Variants in RALGAPA2 observed in about 807,000 individuals in gnomAD.
RALGAPA2 encodes Ral GTPase activating protein catalytic subunit alpha 2, also known as ral GTPase-activating protein subunit alpha-2.
RALGAPA2 carries 139 observed loss-of-function variants against 230.4 expected under a neutral mutation model. That is an observed-to-expected ratio of 0.60 (90% confidence interval 0.53 to 0.69). The LOEUF (loss-of-function observed/expected upper bound fraction) is 0.69. RALGAPA2 is among the 30% of genes least tolerant of loss of function. The pLI, the probability that RALGAPA2 is intolerant of heterozygous loss-of-function variation, is 0.00. For synonymous variants in RALGAPA2, 847 were observed against 837.8 expected, an observed-to-expected ratio of 1.01 and a Z score of -0.19; for missense variants, 2,163 against 2,276.0, an observed-to-expected ratio of 0.95 and a Z score of 1.01.
chr20:20,620,375 T>C (rs781612524), intron 11 of RALGAPA2, 88 bp downstream of exon 11: 3 of 1,365,370 alleles, frequency 2.2e-6, no homozygotes, highest in Non-Finnish European at 3.0e-6. Flanking sequence ...CACCTGCCTT[T>C]GTCCCATTGA....
At chr20:20,421,878 C>T (rs1348894346) in intron 37 of RALGAPA2, among the ~76,000 whole-genome samples, 1 of 152,140 alleles carries the variant, frequency 6.6e-6, no homozygotes, top group East Asian at 1.9e-4. Context: ...CCAGAAACAA[C>T]CCCCTTGCCT....
At chr20:20,465,149 TCACACACACACACA>T (rs74180992) in intron 37 of RALGAPA2, among the ~76,000 whole-genome samples, 28 of 109,236 alleles carry the variant, frequency 2.6e-4, no homozygotes, top group Non-Finnish European at 3.8e-4. Context: ...CCGCAGGCCT[TCACACACACACACA>T]CACACACACA....
chr20:20,521,022 A>T lies in RALGAPA2; in HGVS notation c.3979T>A (p.Ser1327Thr). 4 of 1,613,864 alleles carry T rather than the reference A, an allele frequency of 2.5e-6. No homozygotes were observed. Among genetic ancestry groups the T allele is most frequent in the Non-Finnish European group, 3.4e-6 (4 of 1,179,818 alleles). Residue 1327 changes from serine (S) to threonine (T), a missense_variant, in exon 31 of 40, where the codon TCC becomes ACC. Ser to Thr is a moderately conservative substitution (Grantham distance 58). Transcript: ENST00000202677. The stretch of plus-strand genomic sequence containing the variant: ...GGCAGGAAGGGGTCATAATCCGTGG[A>T]TGACAAGTCAGCCAGGGTCAGTATG... ...HYILTLADLSSTDYDPFLPLA... is the reference protein window; with the variant it reads ...HYILTLADLSTTDYDPFLPLA...
intron 31 of RALGAPA2, among the ~76,000 whole-genome samples, chr20:20,520,170 C>A (rs1260449778): frequency 6.6e-6 from 1 of 152,170 alleles, no homozygotes; most frequent in African/African-American, 2.4e-5. Context: ...GACAATATCA[C>A]AGTCAGGAAG....
intron 37 of RALGAPA2, among the ~76,000 whole-genome samples, chr20:20,466,705 C>G (rs529888108): frequency 5.9e-5 from 9 of 152,308 alleles, no homozygotes; most frequent in Non-Finnish European, 5.9e-5. Flanking sequence ...CAAGAGAATG[C>G]TGGTGTGGCT....
chr20:20,582,186 GTGTGTGTGTGTC>G (rs1218384344), intron 20 of RALGAPA2, among the ~76,000 whole-genome samples: 1 of 151,880 alleles, frequency 6.6e-6, no homozygotes, highest in Non-Finnish European at 1.5e-5. Flanking sequence ...GTGTGTGTGT[GTGTGTGTGTGTC>G]TGTGTGTGTG....
chr20:20,641,866 CTAAA>C (rs975939214), intron 5 of RALGAPA2, among the ~76,000 whole-genome samples: 1 of 151,562 alleles, frequency 6.6e-6, no homozygotes, highest in African/African-American at 2.4e-5. Flanking sequence ...GGAGAAAAGC[CTAAA>C]TAAATAAATA....
intron 37 of RALGAPA2, among the ~76,000 whole-genome samples, chr20:20,418,971 C>T (rs1461254705): frequency 6.6e-6 from 1 of 152,184 alleles, no homozygotes; most frequent in Non-Finnish European, 1.5e-5. Flanking sequence ...AACTCCTGGC[C>T]TCAAGTGATC....
intron 4 of RALGAPA2, among the ~76,000 whole-genome samples, chr20:20,649,936 T>C (rs1025213940): frequency 2.6e-5 from 4 of 152,210 alleles, no homozygotes; most frequent in African/African-American, 4.8e-5. Context: ...CATGATTTAC[T>C]GGCCTAAAAA....
intron 9 of RALGAPA2, 96 bp downstream of exon 9, chr20:20,635,322 A>G: frequency 7.6e-7 from 1 of 1,311,562 alleles, no homozygotes; most frequent in African/African-American, 1.5e-5. Flanking sequence ...AACAACTTGT[A>G]AGAACCAATA....
intron 16 of RALGAPA2, among the ~76,000 whole-genome samples, chr20:20,600,003 A>T (rs1050887585): frequency 6.6e-6 from 1 of 151,676 alleles, no homozygotes; most frequent in African/African-American, 2.4e-5. Flanking sequence ...AAAAAATCCA[A>T]TGATAGAAGA....
Position 20,680,713 on chromosome 20 carries a change from C to T in RALGAPA2, c.195G>A (p.Leu65=). 6.4e-7 allele frequency: 1 copy of T among 1,566,578 alleles called. No individual in the cohort carries two copies. The highest frequency in any genetic ancestry group is 8.6e-7 in the Non-Finnish European group (1 of 1,161,966). ...YFIFYENFIA[L]ENSLKLKGNN... ...TACCTTTTAATTTCAAACTATTTTCCAGTGCTATAAAATTTTCATAGAAGA... is the reference window on the plus strand; with the variant it reads ...TACCTTTTAATTTCAAACTATTTTCTAGTGCTATAAAATTTTCATAGAAGA... The change falls in exon 2 of 40, where the codon CTG becomes CTA. Residue 65 remains leucine, a synonymous_variant. Transcript: ENST00000202677.
intron 10 of RALGAPA2, 39 bp downstream of exon 10, chr20:20,629,324 C>CAA: frequency 1.7e-6 from 1 of 603,912 alleles, no homozygotes; most frequent in Non-Finnish European, 2.3e-6. Context: ...ACTTGTAACA[C>CAA]ACACACACAC....
intron 1 of RALGAPA2, among the ~76,000 whole-genome samples, chr20:20,704,807 C>A (rs1448880356): frequency 6.6e-6 from 1 of 152,216 alleles, no homozygotes; most frequent in African/African-American, 2.4e-5. Context: ...CTACTTACGC[C>A]ACAGGATAAA....
chr20:20,572,919 T>C lies in RALGAPA2; in HGVS notation c.2857A>G (p.Arg953Gly), dbSNP rs774090365. Residue 953 changes from arginine (R) to glycine (G), a missense_variant, in exon 21 of 40, where the codon AGA (arginine) becomes GGA (glycine). Transcript: ENST00000202677. ...AGTTCATAGAGATAGCAGAAAACTC[T>C]GGCATGGATCTTGGGTGACTGGATG... ...NNIQSPKIHA[R>G]VFCYLYELWY... 3 of 1,566,904 alleles carry C rather than the reference T, an allele frequency of 1.9e-6. No individual in the cohort carries two copies. The highest frequency in any genetic ancestry group is 1.2e-5 in the South Asian group (1 of 85,226).
chr20:20,409,800 C>T (rs890010725), intron 38 of RALGAPA2, among the ~76,000 whole-genome samples: 1 of 152,182 alleles, frequency 6.6e-6, no homozygotes, highest in African/African-American at 2.4e-5. Flanking sequence ...CATTGTACTG[C>T]CCCACATTTC....
Position 20,571,878 on chromosome 20 carries a change from T to G in RALGAPA2, c.2970A>C (p.Pro990=). 6.2e-7 allele frequency: 1 copy of G among 1,611,498 alleles called. No individual in the cohort carries two copies. Among genetic ancestry groups the G allele is most frequent in the Non-Finnish European group, 8.5e-7 (1 of 1,178,540 alleles). ...ACAGCCATGATGCAAACATTCTGAG[T>G]GGTGGGATCAAAACTGGAGGAGATG... is the stretch of plus-strand genomic sequence containing the variant. ...SSPSPPVLIP[P]LRMFASWLFK... is the part of the protein sequence containing the mutation. The change falls in exon 22 of 40, where the codon CCA becomes CCC. Residue 990 remains proline (P), a synonymous_variant. Coordinates refer to ENST00000202677, the MANE Select transcript of RALGAPA2 (RefSeq NM_020343.4).
At chr20:20,611,287 T>C in intron 14 of RALGAPA2, 28 bp downstream of exon 14, 2 of 1,584,374 alleles carry the variant, frequency 1.3e-6, no homozygotes, top group Non-Finnish European at 1.7e-6. Flanking sequence ...TTTCTTGCAT[T>C]TGCAGTGCTT....
chr20:20,628,525 C>A (rs1444885448), intron 10 of RALGAPA2, among the ~76,000 whole-genome samples: 1 of 151,860 alleles, frequency 6.6e-6, no homozygotes, highest in Non-Finnish European at 1.5e-5. Context: ...GTGTTGAAGG[C>A]TAGTACTGAG....
Sources: allele counts gnomAD v4.1 joint callset (sites outside exome capture counted in the v4.1 genomes callset), GRCh38; gene constraint gnomAD v4.1.1; transcripts MANE v1.5; gene names NCBI Gene and HGNC (gene_info 2026-07-23, HGNC 2026-07-21).